MT4: variants seen among roughly 807,000 people sequenced by gnomAD.
MT4 encodes metallothionein 4, also known as metallothionein-4.
A neutral mutation model predicts 9.5 loss-of-function variants in MT4; 11 were observed. That is an observed-to-expected ratio of 1.16 (90% CI 0.73 to 1.92). MT4 has a LOEUF of 1.92. MT4 is among the 30% of genes most tolerant of loss of function. The pLI, the probability that MT4 is intolerant of heterozygous loss-of-function variation, is 0.00. For missense variants in MT4, 88 were observed against 78.7 expected, an observed-to-expected ratio of 1.12 and a Z score of -0.45; for synonymous variants, 29 against 24.6, an observed-to-expected ratio of 1.18 and a Z score of -0.53.
chr16:56,568,882 CGG>C lies in MT4; in HGVS notation c.142_143del (p.Gly48LeufsTer?). On this transcript the variant is annotated frameshift_variant, in exon 3 of 3. Coordinates refer to ENST00000219162, the MANE Select transcript of MT4 (RefSeq NM_032935.3). LOFTEE classifies it high-confidence loss of function. ...CCPPGCAKCARGCICKGGSDK... is the reference protein window; with the variant it reads ...CCPPGCAKCAXGCICKGGSDK... ...CCCCCCGGGCTGTGCCAAATGTGCC[CGG>C]GGCTGCATCTGCAAAGGAGGCTCAG... 1 of 1,608,894 alleles carries C rather than the reference CGG, an allele frequency of 6.2e-7. No individual in the cohort carries two copies.
At chr16:56,567,629 G>T (rs190873752) in intron 1 of MT4, 122 bp from the exon 2 acceptor site, 18 of 849,450 alleles carry the variant, frequency 2.1e-5, no homozygotes, top group Non-Finnish European at 3.5e-5. Flanking sequence ...TCACCCTCTT[G>T]TCCAGCCAGT....
At chr16:56,567,934 C>G (rs528159045) in intron 2 of MT4, 118 bp downstream of exon 2, 1 of 730,106 alleles carries the variant, frequency 1.4e-6, no homozygotes, top group South Asian at 1.5e-5. Context: ...GGGTGGATTA[C>G]CTGAGGTCAG....
rs1567330503 is a variant in MT4 at position 56,568,222 on chromosome 16, AG to A, written c.97+407del. Among the ~76,000 whole-genome samples, 23 of 24,826 alleles carry A rather than the reference AG, an allele frequency of 9.3e-4. 1 individual carries two copies. The highest frequency in any genetic ancestry group is 2.5e-3 in the African/African-American group (22 of 8,838). The allele number at this position is 24,826 out of a possible 152,430, so 16.3% of individuals were successfully genotyped here. On this transcript the variant is annotated intron_variant, in intron 2 of 2. Transcript: ENST00000219162. ...AAGAGAGAGAGAGAGAGAGAAAGAAAGAAAGAAAGAAAGAAAGAAAGAAAGA... is the reference window on the plus strand; with the variant it reads ...AAGAGAGAGAGAGAGAGAGAAAGAAAAAAGAAAGAAAGAAAGAAAGAAAGA...
chr16:56,566,855 GAAAT>G (rs1959543408), intron 1 of MT4, among the ~76,000 whole-genome samples: 1 of 146,826 alleles, frequency 6.8e-6, no homozygotes, highest in African/African-American at 2.5e-5. Flanking sequence ...AAGAAAGAAA[GAAAT>G]GAGGGAGAGA....
At chr16:56,566,839 G>T (rs1445443213) in intron 1 of MT4, among the ~76,000 whole-genome samples, 11 of 129,894 alleles carry the variant, frequency 8.5e-5, no homozygotes, top group East Asian at 2.3e-4. Context: ...AAGAAAGAAA[G>T]AAAGAAAGAA....
At chr16:56,568,623 C>T (rs1342728384) in intron 2 of MT4, among the ~76,000 whole-genome samples, 1 of 152,166 alleles carries the variant, frequency 6.6e-6, no homozygotes, top group Non-Finnish European at 1.5e-5. Flanking sequence ...TTGGCAAACC[C>T]CCTCCCTTCT....
At chr16:56,565,962 G>T (rs1382918735) in intron 1 of MT4, among the ~76,000 whole-genome samples, 1 of 152,034 alleles carries the variant, frequency 6.6e-6, no homozygotes, top group Middle Eastern at 3.4e-3. Flanking sequence ...TACTCAGGAC[G>T]CTGAGAAGGG....
chr16:56,565,200 C>T (rs749262325), intron 1 of MT4, 41 bp downstream of exon 1: 14 of 1,599,634 alleles, frequency 8.8e-6, no homozygotes, highest in Non-Finnish European at 8.5e-6. Context: ...GAACCTTGGA[C>T]CAGCTTCCTA....
At chr16:56,566,769 GGAAAGAAAGAAAGAAA>G (rs1162747493) in intron 1 of MT4, among the ~76,000 whole-genome samples, 7 of 36,906 alleles carry the variant, frequency 1.9e-4, no homozygotes, top group African/African-American at 5.6e-4. Context: ...AAGGAAGGAA[GGAAAGAAAGAAAGAAA>G]GAAAGAAAGA....
At chr16:56,565,548 T>G (rs765084269) in intron 1 of MT4, among the ~76,000 whole-genome samples, 4 of 152,192 alleles carry the variant, frequency 2.6e-5, no homozygotes, top group Non-Finnish European at 5.9e-5. Context: ...TCCTCACCTG[T>G]AGACTGAGGT....
Position 56,568,821 on chromosome 16 carries a change from G to A in MT4, c.98-20G>A, listed in dbSNP as rs963625294. 22 of 1,555,838 alleles carry A rather than the reference G, an allele frequency of 1.4e-5. No homozygotes were observed. The highest frequency in any genetic ancestry group is 2.4e-5 in the South Asian group (2 of 82,870). On this transcript the variant is annotated intron_variant, in intron 2 of 2. Transcript: ENST00000219162. ...AAGTGTTGACCCACAGCGGATCTGC[G>A]CATCTCCTGACTCTTTCAGGCTGCT...
rs200474814 is a variant in MT4 at position 56,568,947 on chromosome 16, G to A, written c.*15G>A. 111 of 1,583,220 alleles carry A rather than the reference G, an allele frequency of 7.0e-5. No homozygotes were observed. Among genetic ancestry groups the A allele is most frequent in the Admixed American group, 1.8e-5 (1 of 55,648 alleles). On this transcript the variant is annotated 3_prime_UTR_variant, in exon 3 of 3. Transcript: ENST00000219162. Reference sequence around the variant, plus strand: ...GCTGCCCATGAAAGCCATCCATCGTGCCCACCCCTTCCAAGGAGAGAAACC... The same window carrying A: ...GCTGCCCATGAAAGCCATCCATCGTACCCACCCCTTCCAAGGAGAGAAACC...
At chr16:56,567,864 C>A in intron 2 of MT4, 48 bp downstream of exon 2, 2 of 1,526,340 alleles carry the variant, frequency 1.3e-6, no homozygotes, top group South Asian at 1.1e-5. Context: ...TAGAAAAGTC[C>A]AATCCAGGCC....
chr16:56,568,083 G>C (rs1186570579), intron 2 of MT4, among the ~76,000 whole-genome samples: 2 of 151,232 alleles, frequency 1.3e-5, no homozygotes, highest in African/African-American at 4.9e-5. Context: ...AACCCAGGAG[G>C]CAGAGGTTGC....
Position 56,565,112 on chromosome 16 carries a change from T to G in MT4, c.-17T>G, listed in dbSNP as rs1298101979. 6.2e-7 allele frequency: 1 copy of G among 1,613,190 alleles called. No homozygotes were observed. The highest frequency in any genetic ancestry group is 2.2e-5 in the East Asian group (1 of 44,772). ...CCCCAGCCGTGACAGCACTGGAGCC[T>G]TTCGGACACCTGGACCATGGACCCC... On this transcript the variant is annotated 5_prime_UTR_variant, in exon 1 of 3. Transcript: ENST00000219162.
intron 1 of MT4, among the ~76,000 whole-genome samples, chr16:56,566,867 A>G: frequency 6.8e-6 from 1 of 147,942 alleles, no homozygotes; most frequent in African/African-American, 2.6e-5. Context: ...AATGAGGGAG[A>G]GAGGAAGGAA....
chr16:56,568,736 A>T, intron 2 of MT4, 105 bp from the exon 3 acceptor site: 1 of 763,294 alleles, frequency 1.3e-6, no homozygotes, highest in Non-Finnish European at 2.1e-6. Context: ...TTGAAACCTC[A>T]TGCACACACC....
At chr16:56,567,667 C>A in intron 1 of MT4, 84 bp from the exon 2 acceptor site, 2 of 1,311,008 alleles carry the variant, frequency 1.5e-6, no homozygotes, top group Non-Finnish European at 2.2e-6. Flanking sequence ...AGGAGCCTTG[C>A]CACTCTGACA....
chr16:56,567,602 G>A (rs151252637), intron 1 of MT4, 149 bp from the exon 2 acceptor site: 27 of 674,334 alleles, frequency 4.0e-5, no homozygotes, highest in East Asian at 2.0e-4. Context: ...ACACTGGGTC[G>A]ATGCTCAGCA....
Sources: allele counts gnomAD v4.1 joint callset (sites outside exome capture counted in the v4.1 genomes callset), GRCh38; gene constraint gnomAD v4.1.1; transcripts MANE v1.5; gene names NCBI Gene and HGNC (gene_info 2026-07-23, HGNC 2026-07-21).